TRPC4: variants seen among roughly 807,000 people sequenced by gnomAD.
The protein encoded by TRPC4 is transient receptor potential cation channel subfamily C member 4.
A neutral mutation model predicts 99.4 loss-of-function variants in TRPC4; 49 were observed. That is an observed-to-expected ratio of 0.49 (90% CI 0.39 to 0.63). TRPC4 has a LOEUF of 0.63. TRPC4 is among the 20% of genes least tolerant of loss of function. The probability of loss-of-function intolerance (pLI) is 0.00; values close to 1 mark genes in which losing one functional copy is unlikely to be tolerated. For synonymous variants in TRPC4, 454 were observed against 425.9 expected (o/e 1.07, Z -0.81); for missense variants, 898 against 1,152.9 (o/e 0.78, Z 3.20).
At chr13:37,744,411 A>C (rs1955680057) in intron 3 of TRPC4, among the ~76,000 whole-genome samples, 1 of 152,190 alleles carries the variant, frequency 6.6e-6, no homozygotes, top group Non-Finnish European at 1.5e-5. Context: ...ATGAGTTAAT[A>C]CTGCTGACAA....
At chr13:37,789,768 T>C (rs530723795) in intron 1 of TRPC4, among the ~76,000 whole-genome samples, 2 of 152,152 alleles carry the variant, frequency 1.3e-5, no homozygotes, top group East Asian at 1.9e-4. Flanking sequence ...ATAACTGTAA[T>C]GTATAAATCA....
At chr13:37,672,973 T>A (rs1030036082) in intron 5 of TRPC4, among the ~76,000 whole-genome samples, 3 of 152,150 alleles carry the variant, frequency 2.0e-5, no homozygotes, top group Non-Finnish European at 4.4e-5. Context: ...TACTTTAAGT[T>A]CTAGGGTACA....
At chr13:37,786,286 A>G (rs918174290) in intron 1 of TRPC4, among the ~76,000 whole-genome samples, 1 of 111,674 alleles carries the variant, frequency 9.0e-6, no homozygotes, top group African/African-American at 3.4e-5. Context: ...TCACAGGGAG[A>G]AAGACACACA....
intron 1 of TRPC4, among the ~76,000 whole-genome samples, chr13:37,848,278 G>T (rs1297038162): frequency 1.3e-5 from 2 of 151,972 alleles, no homozygotes; most frequent in Non-Finnish European, 2.9e-5. Context: ...TATCTTAAAT[G>T]CATAAAATTA....
chr13:37,728,909 C>A (rs1485813429), intron 3 of TRPC4, among the ~76,000 whole-genome samples: 9 of 151,916 alleles, frequency 5.9e-5, no homozygotes, highest in Non-Finnish European at 1.5e-5. Flanking sequence ...GATGATGGTG[C>A]CAAGACCATT....
chr13:37,754,734 T>C (rs1760541736), intron 2 of TRPC4, among the ~76,000 whole-genome samples: 1 of 152,144 alleles, frequency 6.6e-6, no homozygotes, highest in Non-Finnish European at 1.5e-5. Flanking sequence ...GTCCAAACTT[T>C]ATAAATGTAT....
intron 1 of TRPC4, among the ~76,000 whole-genome samples, chr13:37,819,473 A>G (rs1357528100): frequency 5.3e-5 from 8 of 152,036 alleles, no homozygotes; most frequent in Admixed American, 3.9e-4. Flanking sequence ...GTGATACACC[A>G]TGGAATACTA....
chr13:37,770,955 CT>C (rs1346726258), intron 2 of TRPC4, among the ~76,000 whole-genome samples: 1 of 151,502 alleles, frequency 6.6e-6, no homozygotes, highest in Non-Finnish European at 1.5e-5. Context: ...TCTATATCTT[CT>C]TTTATTGATG....
chr13:37,810,150 A>G (rs1201876885), intron 1 of TRPC4, among the ~76,000 whole-genome samples: 1 of 152,076 alleles, frequency 6.6e-6, no homozygotes, highest in Non-Finnish European at 1.5e-5. Flanking sequence ...TGCTAGAAGT[A>G]TTTCTGCTTT....
intron 1 of TRPC4, among the ~76,000 whole-genome samples, chr13:37,799,650 A>G (rs1222960321): frequency 6.7e-6 from 1 of 150,030 alleles, no homozygotes; most frequent in Non-Finnish European, 1.5e-5. Context: ...AGAAGACATA[A>G]AGCAAATACT....
chr13:37,743,942 A>G, intron 3 of TRPC4, among the ~76,000 whole-genome samples: 1 of 152,164 alleles, frequency 6.6e-6, no homozygotes, highest in East Asian at 1.9e-4. Context: ...AAATGAGTGC[A>G]GGCAAAAAAT....
intron 1 of TRPC4, among the ~76,000 whole-genome samples, chr13:37,868,496 C>T (rs1429261351): frequency 6.6e-6 from 1 of 152,138 alleles, no homozygotes; most frequent in Admixed American, 6.5e-5. Context: ...CCAAAAAACC[C>T]TCCAGTAAAC....
chr13:37,645,367 G>A (rs959524654), intron 8 of TRPC4, among the ~76,000 whole-genome samples: 1 of 152,160 alleles, frequency 6.6e-6, no homozygotes, highest in Admixed American at 6.5e-5. Flanking sequence ...AGAGGTCTCT[G>A]GAGAGTGAGC....
chr13:37,679,773 G>A (rs1953175447), intron 4 of TRPC4, among the ~76,000 whole-genome samples: 2 of 152,114 alleles, frequency 1.3e-5, no homozygotes, highest in South Asian at 4.1e-4. Context: ...ACATAATTGG[G>A]AAAATGATAA....
At chr13:37,789,142 A>G (rs1208764220) in intron 1 of TRPC4, among the ~76,000 whole-genome samples, 3 of 152,176 alleles carry the variant, frequency 2.0e-5, no homozygotes, top group Admixed American at 2.0e-4. Context: ...AACCATTCAC[A>G]GGTAAAACAC....
At chr13:37,789,587 T>C (rs1566172837) in intron 1 of TRPC4, among the ~76,000 whole-genome samples, 1 of 152,138 alleles carries the variant, frequency 6.6e-6, no homozygotes, top group Non-Finnish European at 1.5e-5. Flanking sequence ...ATTAAATAAA[T>C]AGGGTCAAAT....
chr13:37,813,096 C>A (rs934634141), intron 1 of TRPC4, among the ~76,000 whole-genome samples: 3 of 151,548 alleles, frequency 2.0e-5, no homozygotes, highest in Admixed American at 6.6e-5. Flanking sequence ...AAATCAATAA[C>A]AAGAAGAAAT....
At chr13:37,642,937 G>A (rs796261058) in intron 8 of TRPC4, among the ~76,000 whole-genome samples, 14 of 151,986 alleles carry the variant, frequency 9.2e-5, no homozygotes, top group African/African-American at 3.4e-4. Flanking sequence ...TCACCATGTT[G>A]GTCAGGCTGA....
chr13:37,728,595 G>A (rs1955138307), intron 3 of TRPC4, among the ~76,000 whole-genome samples: 1 of 151,938 alleles, frequency 6.6e-6, no homozygotes, highest in African/African-American at 2.4e-5. Context: ...AGTATTAAGA[G>A]GTCAATACTA....
Sources: allele counts gnomAD v4.1 joint callset (sites outside exome capture counted in the v4.1 genomes callset), GRCh38; gene constraint gnomAD v4.1.1; transcripts MANE v1.5; gene names NCBI Gene and HGNC (gene_info 2026-07-23, HGNC 2026-07-21).